TAB2: variants seen among roughly 807,000 people sequenced by gnomAD.
The protein encoded by TAB2 is TGF-beta-activated kinase 1 and MAP3K7-binding protein 2.
TAB2 carries 3 observed loss-of-function variants against 65.0 expected under a neutral mutation model. The ratio of observed to expected loss-of-function variants is 0.05; its 90% confidence interval spans 0.02 to 0.12. The LOEUF (loss-of-function observed/expected upper bound fraction) is 0.12, where lower values mean the gene tolerates loss of function less well. TAB2 is among the 10% of genes least tolerant of loss of function. TAB2 has a pLI of 1.00. For missense variants in TAB2, 623 were observed against 840.3 expected, an observed-to-expected ratio of 0.74 and a Z score of 3.20; for synonymous variants, 298 against 285.1, an observed-to-expected ratio of 1.05 and a Z score of -0.46.
At chr6:149,336,265 G>A (rs527611791) in intron 1 of TAB2, among the ~76,000 whole-genome samples, 11 of 152,190 alleles carry the variant, frequency 7.2e-5, no homozygotes, top group African/African-American at 2.6e-4. Context: ...ATAAGCTTCT[G>A]GGTTCTTAAT....
chr6:149,383,178 GGAAA>G (rs751665983), intron 3 of TAB2, among the ~76,000 whole-genome samples: 56 of 151,740 alleles, frequency 3.7e-4, no homozygotes, highest in Non-Finnish European at 7.2e-4. Flanking sequence ...GAAAAAAAAA[GGAAA>G]GAAAGAACTC....
chr6:149,327,055 T>G (rs372496582), intron 1 of TAB2, among the ~76,000 whole-genome samples: 5 of 152,296 alleles, frequency 3.3e-5, no homozygotes, highest in Admixed American at 2.0e-4. Context: ...AAAATTTAAG[T>G]GGGAGAAACT....
At chr6:149,229,161 C>T (rs1232657774) in intron 1 of TAB2, among the ~76,000 whole-genome samples, 4 of 152,064 alleles carry the variant, frequency 2.6e-5, no homozygotes, top group Admixed American at 2.0e-4. Context: ...GCAAGCCAGC[C>T]GTCTAAAACC....
chr6:149,333,129 A>G (rs563793530), intron 1 of TAB2, among the ~76,000 whole-genome samples: 1 of 152,356 alleles, frequency 6.6e-6, no homozygotes, highest in African/African-American at 2.4e-5. Flanking sequence ...GAATGAATGG[A>G]CACAGACTAC....
intron 1 of TAB2, among the ~76,000 whole-genome samples, chr6:149,296,652 T>C (rs1403175571): frequency 6.6e-6 from 1 of 152,160 alleles, no homozygotes; most frequent in African/African-American, 2.4e-5. Flanking sequence ...TTAAAGAAAA[T>C]GGGTGTTAGT....
Position 149,379,334 on chromosome 6 carries a change from C to A in TAB2, c.1419C>A (p.Pro473=). ...TFKITVSPNK[P]PAVSPGVVSP... The stretch of plus-strand genomic sequence containing the variant: ...AAATTACAGTCTCTCCCAATAAGCC[C>A]CCTGCAGTTTCACCAGGGGTGGTGT... The change falls in exon 3 of 7, where the codon CCC becomes CCA. Residue 473 remains proline, a synonymous_variant. Transcript: ENST00000637181. The A allele has an allele frequency of 1.9e-6, 3 of 1,614,208 alleles. No homozygotes were observed. The highest frequency in any genetic ancestry group is 2.5e-6 in the Non-Finnish European group (3 of 1,180,040).
At position 149,262,849 on chromosome 6, in the gene TAB2, A is replaced by G. The variant is rs568421145; in HGVS notation, c.-121+44073A>G. On this transcript the variant is annotated intron_variant, in intron 1 of 1. Transcript: ENST00000606202. ...TTTAGGGTCTCACTCTGTCACCCAG[A>G]CTGGAGTGCTGTGGCACGATTGTAG... 1.4e-3 allele frequency among the ~76,000 whole-genome samples: 211 copies of G among 151,960 alleles called. 1 individual carries two copies. The highest frequency in any genetic ancestry group is 4.7e-3 in the African/African-American group (196 of 41,416).
At chr6:149,252,070 C>T (rs754084244) in intron 1 of TAB2, among the ~76,000 whole-genome samples, 1 of 152,056 alleles carries the variant, frequency 6.6e-6, no homozygotes, top group Non-Finnish European at 1.5e-5. Flanking sequence ...CCAGGATAAG[C>T]AGATACTTGA....
chr6:149,273,171 C>T (rs1275205322), intron 1 of TAB2, among the ~76,000 whole-genome samples: 4 of 152,060 alleles, frequency 2.6e-5, no homozygotes, highest in African/African-American at 9.7e-5. Flanking sequence ...GACAGCCCCT[C>T]GCAGCAAAGC....
chr6:149,249,459 T>C (rs892548186), intron 1 of TAB2, among the ~76,000 whole-genome samples: 2 of 152,084 alleles, frequency 1.3e-5, no homozygotes, highest in African/African-American at 4.8e-5. Flanking sequence ...TCTCTGTCTC[T>C]CTATCTCTGT....
chr6:149,397,931 T>C, intron 4 of TAB2, 38 bp from the exon 5 acceptor site: 2 of 1,599,832 alleles, frequency 1.3e-6, no homozygotes, highest in Non-Finnish European at 1.7e-6. Context: ...TGACTAAGAA[T>C]TCAGTGCAAA....
At chr6:149,361,400 C>T (rs910440069) in intron 1 of TAB2, among the ~76,000 whole-genome samples, 1 of 152,176 alleles carries the variant, frequency 6.6e-6, no homozygotes, top group Non-Finnish European at 1.5e-5. Flanking sequence ...AGCAGCAGCC[C>T]GAGTTGTTCT....
chr6:149,321,439 C>G (rs1779452550), intron 1 of TAB2: 1 of 152,154 alleles, frequency 6.6e-6, no homozygotes, highest in African/African-American at 2.4e-5. Context: ...TAGTTAATCA[C>G]TAAACTTGAC....
chr6:149,341,527 A>G (rs952922692), intron 1 of TAB2, among the ~76,000 whole-genome samples: 3 of 152,072 alleles, frequency 2.0e-5, no homozygotes, highest in African/African-American at 7.2e-5. Flanking sequence ...GCTAAATCTC[A>G]TGGACAGTAC....
At chr6:149,253,617 CAAAA>C (rs1170705031) in intron 1 of TAB2, among the ~76,000 whole-genome samples, 1 of 65,276 alleles carries the variant, frequency 1.5e-5, no homozygotes. Flanking sequence ...AAGACTGTCT[CAAAA>C]AAAAAAAAAA....
At chr6:149,317,288 G>A (rs556209567), upstream of TAB2, among the ~76,000 whole-genome samples, 4 of 152,086 alleles carry the variant, frequency 2.6e-5, no homozygotes, top group African/African-American at 9.6e-5. The surrounding 1 kb of genome is among the most constrained non-coding windows in gnomAD (Gnocchi z 4.7). Context: ...GCCCGCACCG[G>A]CACCCCCCTC....
intron 1 of TAB2, among the ~76,000 whole-genome samples, chr6:149,364,565 C>T (rs1780979521): frequency 6.6e-6 from 1 of 151,792 alleles, no homozygotes; most frequent in Admixed American, 6.6e-5. Context: ...CTAGCAATTT[C>T]TGTGATCTGC....
At chr6:149,326,800 C>A (rs1779634675) in intron 1 of TAB2, among the ~76,000 whole-genome samples, 1 of 152,182 alleles carries the variant, frequency 6.6e-6, no homozygotes, top group African/African-American at 2.4e-5. Flanking sequence ...CACCCATCCT[C>A]AGCCTTGCTT....
At position 149,379,457 on chromosome 6, in the gene TAB2, G is replaced by A; in HGVS notation, c.1542G>A (p.Val514=). 1 of 1,614,060 alleles carries A rather than the reference G, an allele frequency of 6.2e-7. No homozygotes were observed. Residue 514 remains valine (V), a synonymous_variant, in exon 3 of 7, where the codon GTG becomes GTA. Transcript: ENST00000637181. ...QHLTDPTLAH[V]DRISETRKLS... Reference sequence around the variant, plus strand: ...TCACGGACCCTACATTAGCACATGTGGATAGAATAAGTGAAACACGGAAAC... The same window carrying A: ...TCACGGACCCTACATTAGCACATGTAGATAGAATAAGTGAAACACGGAAAC...
Sources: allele counts gnomAD v4.1 joint callset (sites outside exome capture counted in the v4.1 genomes callset), GRCh38; gene constraint gnomAD v4.1.1; non-coding constraint Gnocchi (gnomAD v3.1); transcripts MANE v1.5; gene names NCBI Gene and HGNC (gene_info 2026-07-23, HGNC 2026-07-21).